The following SLCO4C1 variants were observed in gnomAD, a reference collection of about 807,000 sequenced individuals.
The protein encoded by SLCO4C1 is solute carrier organic anion transporter family member 4C1.
A neutral mutation model predicts 72.1 loss-of-function variants in SLCO4C1; 58 were observed. The observed-to-expected ratio is 0.80, with a 90% CI of 0.65 to 1.00. The LOEUF is 1.00. SLCO4C1 is among the 50% of genes least tolerant of loss of function. The pLI is 0.00. For missense variants in SLCO4C1, 898 were observed against 857.9 expected (o/e 1.05, Z -0.58); for synonymous variants, 297 against 312.5 (o/e 0.95, Z 0.52).
At chr5:102,249,272 G>A (rs1294957046) in intron 9 of SLCO4C1, among the ~76,000 whole-genome samples, 1 of 152,120 alleles carries the variant, frequency 6.6e-6, no homozygotes, top group East Asian at 1.9e-4. Context: ...GACTTAAAGC[G>A]AGTTCTTCAA....
At position 102,257,190 on chromosome 5, in the gene SLCO4C1, A is replaced by G. The variant is rs755102400; in HGVS notation, c.1394T>C (p.Leu465Pro). ...KFALFTSGVA[L>P]TLSFVFMYAK... ...ATACATAAATACAAAACTCAGCGTAAGTGCAACTCCAGATGTGAACAGTGC... is the reference window on the plus strand; with the variant it reads ...ATACATAAATACAAAACTCAGCGTAGGTGCAACTCCAGATGTGAACAGTGC... The change falls in exon 8 of 13, where the codon CTT (leucine) becomes CCT (proline). Residue 465 changes from leucine to proline, a missense_variant. Transcript: ENST00000310954. The G allele has an allele frequency of 6.2e-7, 1 of 1,608,584 alleles. No individual in the cohort carries two copies. Among genetic ancestry groups the G allele is most frequent in the South Asian group, 1.1e-5 (1 of 89,914 alleles).
intron 3 of SLCO4C1, 105 bp downstream of exon 3, chr5:102,270,519 T>C: frequency 3.4e-6 from 3 of 872,810 alleles, no homozygotes; most frequent in East Asian, 5.8e-5. Flanking sequence ...GGAAAACCTA[T>C]GGCATTACAA....
chr5:102,241,552 C>A (rs186948350), intron 10 of SLCO4C1, among the ~76,000 whole-genome samples: 1 of 151,732 alleles, frequency 6.6e-6, no homozygotes, highest in East Asian at 1.9e-4. Context: ...AGGTAAAATA[C>A]TTGTACACTG....
At chr5:102,288,685 G>A (rs182402281) in intron 2 of SLCO4C1, among the ~76,000 whole-genome samples, 5 of 152,202 alleles carry the variant, frequency 3.3e-5, no homozygotes, top group Non-Finnish European at 7.4e-5. Context: ...TGACCAAAAC[G>A]GACTATTCCT....
At chr5:102,277,426 C>G (rs1749266198) in intron 2 of SLCO4C1, among the ~76,000 whole-genome samples, 1 of 152,086 alleles carries the variant, frequency 6.6e-6, no homozygotes, top group African/African-American at 2.4e-5. Context: ...GAAGCACCCC[C>G]ACTCCCTCTC....
intron 2 of SLCO4C1, 22 bp from the exon 3 acceptor site, chr5:102,270,828 G>A: frequency 6.6e-7 from 1 of 1,512,728 alleles, no homozygotes; most frequent in Non-Finnish European, 8.9e-7. Context: ...AAAAAATTGT[G>A]AATTTATAGA....
Position 102,276,966 on chromosome 5 carries a change from C to A in SLCO4C1, c.620-6160G>T, listed in dbSNP as rs142818189. The stretch of plus-strand genomic sequence containing the variant: ...AGTAGTGAGAGGCACCAATCCATTG[C>A]CGCTCCTTAGTTCCCTAGACAGTAC... On this transcript the variant is annotated intron_variant, in intron 2 of 12. Transcript: ENST00000310954. Among the ~76,000 whole-genome samples the A allele has an allele frequency of 1.9e-4, 29 of 152,114 alleles. No homozygotes were observed. The East Asian group carries it at 5.4e-3, about 28-fold the overall frequency.
intron 2 of SLCO4C1, among the ~76,000 whole-genome samples, chr5:102,280,090 C>CAAAAAAAAAAAAA (rs36217271): frequency 1.0e-3 from 69 of 68,860 alleles, no homozygotes; most frequent in African/African-American, 1.2e-3. Flanking sequence ...TGCAATAAGG[C>CAAAAAAAAAAAAA]AAAAAAAAAA....
chr5:102,237,495 C>T (rs1748459866), intron 12 of SLCO4C1, among the ~76,000 whole-genome samples: 1 of 152,060 alleles, frequency 6.6e-6, no homozygotes, highest in Non-Finnish European at 1.5e-5. Flanking sequence ...GCCTGCAGTC[C>T]CAGCTACTTG....
chr5:102,295,624 G>GT (rs1749634672), intron 1 of SLCO4C1, among the ~76,000 whole-genome samples: 1 of 152,228 alleles, frequency 6.6e-6, no homozygotes, highest in Non-Finnish European at 1.5e-5. Flanking sequence ...AATCTTCCCT[G>GT]TAAGTCTTGA....
chr5:102,260,521 G>T (rs2112360332), intron 5 of SLCO4C1, among the ~76,000 whole-genome samples: 1 of 151,286 alleles, frequency 6.6e-6, no homozygotes, highest in Non-Finnish European at 1.5e-5. Flanking sequence ...TAATAAAATT[G>T]TTCAAATATG....
chr5:102,292,065 TC>T lies in SLCO4C1; in HGVS notation c.356-460del, dbSNP rs754684254. ...GTCTTGAAATCCTGACCTCAGGTGA[TC>T]CACCCGCCTCGGACTCCCAAAGTGC... On this transcript the variant is annotated intron_variant, in intron 1 of 12. Coordinates refer to ENST00000310954, the MANE Select transcript of SLCO4C1 (RefSeq NM_180991.5). 2.6e-5 allele frequency among the ~76,000 whole-genome samples: 4 copies of T among 152,228 alleles called. No homozygotes were observed. In the East Asian group the frequency reaches 7.7e-4, roughly 29 times the overall value.
chr5:102,255,633 C>T (rs62370440), intron 8 of SLCO4C1, among the ~76,000 whole-genome samples: 6,268 of 152,228 alleles, frequency 0.041, 203 homozygotes, highest in Non-Finnish European at 0.064. Flanking sequence ...CATATTCCCT[C>T]TCCCTTTCTC....
In SLCO4C1 at chr5:102,247,440, T is replaced by C. The variant is rs775974906; in HGVS notation, c.1623A>G (p.Val541=). 3.3e-6 allele frequency: 5 copies of C among 1,509,186 alleles called. No homozygotes were observed. The highest frequency in any genetic ancestry group is 3.6e-6 in the Non-Finnish European group (4 of 1,113,854). The allele number at this position is 1,509,186 out of a possible 1,614,324, so 93.5% of individuals were successfully genotyped here. A position where few individuals can be genotyped will look rare whatever the true frequency, so the allele number is the denominator to read the frequency against. Residue 541 remains valine, a splice_region_variant and synonymous_variant, in exon 10 of 13, where the codon GTA becomes GTG. Transcript: ENST00000310954. ...SNPVAHRKPK[V]YYNCSCIERK... is the part of the protein sequence containing the mutation. ...TTTCAATACAGGAACAGTTGTAATA[T>C]ACCTAAAAATATTAGACATAAAAAC... is the stretch of plus-strand genomic sequence containing the variant.
intron 10 of SLCO4C1, 138 bp from the exon 11 acceptor site, chr5:102,240,920 G>C: frequency 1.9e-6 from 1 of 531,972 alleles, no homozygotes; most frequent in East Asian, 3.1e-5. Flanking sequence ...ATTTGTAAGA[G>C]CTTATAAATG....
At chr5:102,280,760 AACTC>A (rs1470161777) in intron 2 of SLCO4C1, among the ~76,000 whole-genome samples, 1 of 152,088 alleles carries the variant, frequency 6.6e-6, no homozygotes, top group Non-Finnish European at 1.5e-5. Context: ...CTCTCATGAG[AACTC>A]ACTCACTATC....
chr5:102,266,728 A>T (rs1749048132), intron 3 of SLCO4C1, among the ~76,000 whole-genome samples: 1 of 152,180 alleles, frequency 6.6e-6, no homozygotes, highest in Non-Finnish European at 1.5e-5. Context: ...AAAGGCTTTC[A>T]GCTTTTTCTC....
At chr5:102,259,318 CTCTA>C (rs1748894998) in intron 6 of SLCO4C1, among the ~76,000 whole-genome samples, 1 of 151,908 alleles carries the variant, frequency 6.6e-6, no homozygotes, top group African/African-American at 2.4e-5. Context: ...TCAGTAATGA[CTCTA>C]TATGGTAATG....
intron 2 of SLCO4C1, 21 bp from the exon 3 acceptor site, chr5:102,270,827 T>A: frequency 6.5e-7 from 1 of 1,527,762 alleles, no homozygotes; most frequent in Non-Finnish European, 8.8e-7. Context: ...AAAAAAATTG[T>A]GAATTTATAG....
Sources: gnomAD v4.1 joint callset for allele counts (sites outside exome capture counted in the v4.1 genomes callset) on GRCh38, gnomAD v4.1.1 for gene constraint, MANE v1.5 for transcripts, NCBI Gene and HGNC (gene_info 2026-07-23, HGNC 2026-07-21) for gene names.